CACNA1E: variants seen among roughly 807,000 people sequenced by gnomAD.
CACNA1E encodes the protein voltage-dependent R-type calcium channel subunit alpha-1E.
A neutral mutation model predicts 259.2 loss-of-function variants in CACNA1E; 40 were observed. The ratio of observed to expected loss-of-function variants is 0.15; its 90% confidence interval spans 0.12 to 0.20. The LOEUF is 0.20. Ranked by LOEUF, CACNA1E falls within the 10% of genes least tolerant of loss-of-function variation. CACNA1E has a pLI of 1.00. For synonymous variants in CACNA1E, 1,104 were observed against 1,138.5 expected, an observed-to-expected ratio of 0.97 and a Z score of 0.61; for missense variants, 1,874 against 3,040.1, an observed-to-expected ratio of 0.62 and a Z score of 9.02.
At chr1:181,459,212 A>G (rs1423588777) in intron 2 of CACNA1E, among the ~76,000 whole-genome samples, 1 of 152,250 alleles carries the variant, frequency 6.6e-6, no homozygotes, top group Non-Finnish European at 1.5e-5. Context: ...CAACATTCCC[A>G]GTACAGGGAA....
chr1:181,606,183 T>A (rs1328188088), intron 6 of CACNA1E, among the ~76,000 whole-genome samples: 1 of 152,178 alleles, frequency 6.6e-6, no homozygotes, highest in Non-Finnish European at 1.5e-5. Context: ...CAGAACTCTC[T>A]TCTGAGCTCC....
Position 181,416,230 on chromosome 1 carries a change from C to T in CACNA1E, c.434+2650C>T, listed in dbSNP as rs74719581. Among the ~76,000 whole-genome samples the T allele has an allele frequency of 5.5e-4, 84 of 152,348 alleles. 3 individuals are homozygous for T. The East Asian group carries it at 0.015, about 27-fold the overall frequency. On this transcript the variant is annotated intron_variant, in intron 2 of 11. Transcript: ENST00000524607. ...AGGCTGTGGTGTCAGCAGGCTTGTTCTGCAGACGCCAGTAGGCCAGGCCAT... is the reference window on the plus strand; with the variant it reads ...AGGCTGTGGTGTCAGCAGGCTTGTTTTGCAGACGCCAGTAGGCCAGGCCAT...
chr1:181,593,237 G>A (rs1209453331), intron 6 of CACNA1E, among the ~76,000 whole-genome samples: 1 of 152,170 alleles, frequency 6.6e-6, no homozygotes, highest in South Asian at 2.1e-4. Context: ...ATTTTGCTAA[G>A]TTAGCAGTTT....
chr1:181,635,696 G>A (rs1056819122), intron 6 of CACNA1E, among the ~76,000 whole-genome samples: 10 of 152,218 alleles, frequency 6.6e-5, no homozygotes, highest in African/African-American at 2.4e-4. Context: ...TGACACTGCA[G>A]GTCCAGGGGC....
intron 6 of CACNA1E, among the ~76,000 whole-genome samples, chr1:181,637,579 T>G (rs564383456): frequency 5.3e-4 from 81 of 152,306 alleles, no homozygotes; most frequent in African/African-American, 1.9e-3. Context: ...TTCACTTATT[T>G]GTTTGTTCAT....
chr1:181,335,781 C>T (rs979122692), intron 1 of CACNA1E, among the ~76,000 whole-genome samples: 3 of 152,208 alleles, frequency 2.0e-5, no homozygotes, highest in African/African-American at 4.8e-5. Flanking sequence ...ACTTCAGGTT[C>T]CTGCTGGGGG....
intron 6 of CACNA1E, among the ~76,000 whole-genome samples, chr1:181,620,851 A>G (rs1655657639): frequency 6.6e-6 from 1 of 152,206 alleles, no homozygotes; most frequent in Non-Finnish European, 1.5e-5. Flanking sequence ...AGGAGTGGGA[A>G]GACTTAAATA....
chr1:181,657,699 G>A (rs1659318614), intron 7 of CACNA1E, among the ~76,000 whole-genome samples: 1 of 152,194 alleles, frequency 6.6e-6, no homozygotes, highest in African/African-American at 2.4e-5. Flanking sequence ...AGATTCAGTA[G>A]GATTAAGCAG....
At chr1:181,445,183 G>A (rs1175065987) in intron 2 of CACNA1E, among the ~76,000 whole-genome samples, 1 of 152,146 alleles carries the variant, frequency 6.6e-6, no homozygotes, top group African/African-American at 2.4e-5. Context: ...TTCTTTCTGA[G>A]CACTAACCAA....
intron 2 of CACNA1E, among the ~76,000 whole-genome samples, chr1:181,441,082 T>C (rs1660443201): frequency 7.0e-6 from 1 of 142,100 alleles, no homozygotes; most frequent in Non-Finnish European, 1.5e-5. Flanking sequence ...CTATGTCAAA[T>C]CTGTGTTCCA....
intron 1 of CACNA1E, among the ~76,000 whole-genome samples, chr1:181,383,034 A>G (rs637971): frequency 0.042 from 6,411 of 152,250 alleles, 172 homozygotes; most frequent in African/African-American, 0.072. Context: ...CCTCCTCCCC[A>G]CATTCCAGCC....
At chr1:181,728,877 G>GGT (rs888305679) in intron 18 of CACNA1E, among the ~76,000 whole-genome samples, 1 of 137,270 alleles carries the variant, frequency 7.3e-6, no homozygotes, top group South Asian at 2.5e-4. Context: ...ATTTTGCTCG[G>GGT]GTGTGTGTGC....
At chr1:181,735,403 G>A (rs897001754) in intron 21 of CACNA1E, among the ~76,000 whole-genome samples, 1 of 152,174 alleles carries the variant, frequency 6.6e-6, no homozygotes, top group African/African-American at 2.4e-5. Flanking sequence ...CTGGGCATGG[G>A]CCAGGACCAC....
intron 3 of CACNA1E, among the ~76,000 whole-genome samples, chr1:181,555,722 G>C (rs2152853): frequency 0.81 from 123,900 of 152,082 alleles, 51,055 homozygotes; most frequent in Non-Finnish European, 0.88. Context: ...ATGTTGTAAG[G>C]TCTAAGGGGC....
intron 8 of CACNA1E, among the ~76,000 whole-genome samples, chr1:181,714,417 C>T (rs1653690564): frequency 6.6e-6 from 1 of 152,156 alleles, no homozygotes; most frequent in African/African-American, 2.4e-5. Flanking sequence ...ACCCAGATGC[C>T]TCCTGAACCC....
chr1:181,527,566 A>G (rs992794777), intron 3 of CACNA1E, among the ~76,000 whole-genome samples: 1 of 152,248 alleles, frequency 6.6e-6, no homozygotes, highest in Non-Finnish European at 1.5e-5. Context: ...AAGTAGGGCT[A>G]TATCTTTAAG....
intron 1 of CACNA1E, among the ~76,000 whole-genome samples, chr1:181,327,987 C>A (rs190849730): frequency 6.6e-6 from 1 of 152,278 alleles, no homozygotes; most frequent in East Asian, 1.9e-4. Context: ...GATGCTGGAG[C>A]CTCTCTCTTC....
chr1:181,795,413 A>G (rs1006759460), intron 46 of CACNA1E, among the ~76,000 whole-genome samples: 1 of 151,458 alleles, frequency 6.6e-6, no homozygotes, highest in Non-Finnish European at 1.5e-5. Context: ...CAACCTAAAC[A>G]GTGCTACCTG....
intron 7 of CACNA1E, among the ~76,000 whole-genome samples, chr1:181,687,467 G>A (rs769069964): frequency 2.6e-5 from 4 of 152,112 alleles, no homozygotes; most frequent in African/African-American, 7.2e-5. Context: ...GGTGTTACAC[G>A]CACAGCTCAG....
Sources: gnomAD v4.1 joint callset for allele counts (sites outside exome capture counted in the v4.1 genomes callset) on GRCh38, gnomAD v4.1.1 for gene constraint, MANE v1.5 for transcripts, NCBI Gene and HGNC (gene_info 2026-07-23, HGNC 2026-07-21) for gene names.